The following DTNB variants were observed in gnomAD, a reference collection of about 807,000 sequenced individuals.
DTNB encodes the protein dystrobrevin beta.
A neutral mutation model predicts 90.7 loss-of-function variants in DTNB; 63 were observed. The observed-to-expected ratio is 0.69, with a 90% CI of 0.57 to 0.86. The LOEUF is 0.86. Ranked by LOEUF, DTNB falls within the 40% of genes least tolerant of loss-of-function variation. The pLI is 0.00. For synonymous variants in DTNB, 277 were observed against 286.7 expected (o/e 0.97, Z 0.34); for missense variants, 744 against 807.1 (o/e 0.92, Z 0.95).
chr2:25,594,211 T>C (rs2064119546), intron 6 of DTNB, among the ~76,000 whole-genome samples: 1 of 152,186 alleles, frequency 6.6e-6, no homozygotes, highest in Non-Finnish European at 1.5e-5. Context: ...TGAAAATGCA[T>C]ATTCGGGGGG....
At chr2:25,599,263 T>C (rs914228560) in intron 5 of DTNB, among the ~76,000 whole-genome samples, 1 of 151,618 alleles carries the variant, frequency 6.6e-6, no homozygotes, top group Non-Finnish European at 1.5e-5. Context: ...GGGGAAATGA[T>C]GACAAATCCT....
At chr2:25,650,316 C>A (rs1225007078) in intron 2 of DTNB, 5 of 854,494 alleles carry the variant, frequency 5.9e-6, no homozygotes, top group East Asian at 1.3e-4. Flanking sequence ...TCCTCTGTAG[C>A]CCTAGCACCC....
intron 10 of DTNB, among the ~76,000 whole-genome samples, chr2:25,479,593 T>A (rs186142761): frequency 4.2e-4 from 64 of 152,286 alleles, no homozygotes; most frequent in African/African-American, 1.5e-3. Flanking sequence ...CAGTAGAACC[T>A]CTCGGGAACA....
At chr2:25,487,540 C>T (rs536304395) in intron 9 of DTNB, among the ~76,000 whole-genome samples, 5 of 152,108 alleles carry the variant, frequency 3.3e-5, no homozygotes, top group Non-Finnish European at 7.4e-5. Context: ...CCCAGGGATA[C>T]TGAGAGACAA....
intron 10 of DTNB, among the ~76,000 whole-genome samples, chr2:25,475,754 T>A (rs2063618162): frequency 6.6e-6 from 1 of 152,352 alleles, no homozygotes. Flanking sequence ...TTGAAGCCAA[T>A]GCTCATTTAC....
At chr2:25,591,298 C>T (rs964633482) in intron 6 of DTNB, among the ~76,000 whole-genome samples, 10 of 152,186 alleles carry the variant, frequency 6.6e-5, no homozygotes, top group Admixed American at 6.5e-4. Flanking sequence ...AAGCTCCCAC[C>T]CTGTCAACTG....
intron 8 of DTNB, among the ~76,000 whole-genome samples, chr2:25,535,881 C>A (rs372142035): frequency 7.0e-6 from 1 of 141,910 alleles, no homozygotes; most frequent in Non-Finnish European, 1.5e-5. Flanking sequence ...CCAGAGGGGG[C>A]GGCCAGGCAG....
chr2:25,400,088 G>C (rs1484041564), intron 16 of DTNB, among the ~76,000 whole-genome samples: 1 of 152,144 alleles, frequency 6.6e-6, no homozygotes, highest in Non-Finnish European at 1.5e-5. Flanking sequence ...GGAGGTGTAG[G>C]GAGCAGGATA....
At chr2:25,637,394 A>C (rs551805490) in intron 3 of DTNB, among the ~76,000 whole-genome samples, 1 of 152,352 alleles carries the variant, frequency 6.6e-6, no homozygotes, top group South Asian at 2.1e-4. Context: ...TGCACAGCAA[A>C]AGAAGCTACC....
rs1274242346 is a variant in DTNB at position 25,564,559 on chromosome 2, TG to T, written c.876+12278del. ...CCACACCTGGCTAATTTTTTTTTTT[TG>T]TATTTTTAATAGAGATGGGGTTTCA... On this transcript the variant is annotated intron_variant, in intron 8 of 20. Coordinates refer to ENST00000406818, the MANE Select transcript of DTNB (RefSeq NM_021907.5). Among the ~76,000 whole-genome samples the T allele has an allele frequency of 3.2e-4, 48 of 148,702 alleles. 1 individual carries two copies. Among genetic ancestry groups the T allele is most frequent in the Non-Finnish European group, 6.1e-4 (41 of 67,298 alleles).
intron 8 of DTNB, among the ~76,000 whole-genome samples, chr2:25,572,304 A>G (rs1344282418): frequency 6.6e-6 from 1 of 152,078 alleles, no homozygotes; most frequent in African/African-American, 2.4e-5. Context: ...TGTCTCTACT[A>G]AAAATACAAA....
intron 8 of DTNB, among the ~76,000 whole-genome samples, chr2:25,548,069 T>A (rs942345687): frequency 1.3e-5 from 2 of 152,152 alleles, no homozygotes; most frequent in African/African-American, 2.4e-5. Context: ...TTAGACCTAT[T>A]TTACTAATTT....
At chr2:25,506,916 A>G (rs1164344146) in intron 9 of DTNB, among the ~76,000 whole-genome samples, 3 of 152,216 alleles carry the variant, frequency 2.0e-5, no homozygotes. Flanking sequence ...CCAAAATTCA[A>G]TAATTAACAC....
chr2:25,589,869 G>A (rs1017679221), intron 6 of DTNB, among the ~76,000 whole-genome samples: 11 of 152,174 alleles, frequency 7.2e-5, no homozygotes, highest in African/African-American at 1.9e-4. Flanking sequence ...GGCTGCACTC[G>A]GCTCACGCTA....
chr2:25,581,112 C>G (rs73922436), intron 6 of DTNB, among the ~76,000 whole-genome samples: 9,180 of 151,980 alleles, frequency 0.06, 892 homozygotes, highest in African/African-American at 0.21. Flanking sequence ...AGCAAATAAA[C>G]CATTTAAAAG....
intron 5 of DTNB, among the ~76,000 whole-genome samples, chr2:25,601,949 C>T (rs960468305): frequency 1.3e-5 from 2 of 151,970 alleles, no homozygotes; most frequent in African/African-American, 2.4e-5. Context: ...TGGGGAAACC[C>T]GGCCTCTACT....
At chr2:25,547,459 G>A (rs561854227) in intron 8 of DTNB, among the ~76,000 whole-genome samples, 14 of 152,002 alleles carry the variant, frequency 9.2e-5, no homozygotes, top group Non-Finnish European at 8.8e-5. Flanking sequence ...GAGTAGCTGG[G>A]ATTACAGGCA....
intron 16 of DTNB, among the ~76,000 whole-genome samples, chr2:25,408,140 T>C (rs188239633): frequency 2.3e-4 from 35 of 152,078 alleles, no homozygotes; most frequent in African/African-American, 8.2e-4. Flanking sequence ...ACCCCGTCTC[T>C]ACTGAAAATA....
intron 9 of DTNB, among the ~76,000 whole-genome samples, chr2:25,513,732 A>AAAAAC (rs1467781106): frequency 6.6e-6 from 1 of 151,894 alleles, no homozygotes; most frequent in Non-Finnish European, 1.5e-5. Flanking sequence ...ATCTCAAAGA[A>AAAAAC]AAAACAAAAC....
Sources: gnomAD v4.1 joint callset for allele counts (sites outside exome capture counted in the v4.1 genomes callset) on GRCh38, gnomAD v4.1.1 for gene constraint, MANE v1.5 for transcripts, NCBI Gene and HGNC (gene_info 2026-07-23, HGNC 2026-07-21) for gene names.